GNAO1: variants seen among roughly 807,000 people sequenced by gnomAD.
The protein encoded by GNAO1 is G protein subunit alpha o1, also known as guanine nucleotide-binding protein G(o) subunit alpha.
For synonymous variants in GNAO1, 164 were observed against 180.7 expected, an observed-to-expected ratio of 0.91 and a Z score of 0.74; for missense variants, 166 against 478.7, an observed-to-expected ratio of 0.35 and a Z score of 6.10.
chr16:56,277,359 G>A (rs2037069548), intron 3 of GNAO1, among the ~76,000 whole-genome samples: 1 of 152,174 alleles, frequency 6.6e-6, no homozygotes, highest in Admixed American at 6.5e-5. Flanking sequence ...GGGAATGGGG[G>A]AGTGGATGGG....
intron 2 of GNAO1, among the ~76,000 whole-genome samples, chr16:56,228,119 C>T (rs1298903327): frequency 6.6e-6 from 1 of 152,156 alleles, no homozygotes; most frequent in Non-Finnish European, 1.5e-5. Flanking sequence ...AGCATGATGC[C>T]AGGGCTGGTG....
intron 4 of GNAO1, among the ~76,000 whole-genome samples, chr16:56,332,319 C>A (rs1487511255): frequency 6.6e-6 from 1 of 152,196 alleles, no homozygotes; most frequent in Non-Finnish European, 1.5e-5. Context: ...GGCCCCTCCA[C>A]GTGTGCTTCC....
intron 3 of GNAO1, among the ~76,000 whole-genome samples, chr16:56,317,607 A>C (rs570467139): frequency 9.1e-4 from 138 of 152,100 alleles, no homozygotes; most frequent in Non-Finnish European, 1.4e-3. Flanking sequence ...AAGGGATGTG[A>C]GTGGATGGAT....
chr16:56,269,673 C>G (rs1182820029), intron 2 of GNAO1, among the ~76,000 whole-genome samples: 1 of 152,116 alleles, frequency 6.6e-6, no homozygotes, highest in African/African-American at 2.4e-5. Context: ...AGTCCAGTCC[C>G]AGGGCAGGAG....
intron 6 of GNAO1, among the ~76,000 whole-genome samples, chr16:56,342,775 C>A (rs541115611): frequency 6.6e-6 from 1 of 152,356 alleles, no homozygotes; most frequent in East Asian, 1.9e-4. Context: ...TGCCCTCAAA[C>A]TTCCTTGCTC....
At chr16:56,255,123 C>T (rs566875317) in intron 2 of GNAO1, among the ~76,000 whole-genome samples, 2 of 152,220 alleles carry the variant, frequency 1.3e-5, no homozygotes, top group African/African-American at 4.8e-5. Flanking sequence ...GTGGAATTTC[C>T]CTTGTAGTAT....
intron 4 of GNAO1, among the ~76,000 whole-genome samples, chr16:56,333,722 C>A: frequency 6.6e-6 from 1 of 152,258 alleles, no homozygotes. Flanking sequence ...GTGGTAACTG[C>A]AGGTCCAGCC....
chr16:56,291,709 C>T (rs537679662), intron 3 of GNAO1, among the ~76,000 whole-genome samples: 2 of 152,166 alleles, frequency 1.3e-5, no homozygotes, highest in South Asian at 2.1e-4. Flanking sequence ...AATTTAGAAA[C>T]AACAGAAATG....
intron 3 of GNAO1, among the ~76,000 whole-genome samples, chr16:56,318,417 C>A (rs1004542031): frequency 5.9e-5 from 9 of 152,236 alleles, no homozygotes; most frequent in African/African-American, 9.6e-5. Flanking sequence ...CCGCCGGGCC[C>A]GGCCCTGCAA....
intron 2 of GNAO1, among the ~76,000 whole-genome samples, chr16:56,200,139 C>A (rs534715141): frequency 9.2e-5 from 14 of 152,196 alleles, no homozygotes; most frequent in Admixed American, 7.8e-4. Flanking sequence ...GTCACCTGAC[C>A]CCAGGGTCTC....
At chr16:56,317,292 G>A (rs1307252411) in intron 3 of GNAO1, among the ~76,000 whole-genome samples, 2 of 152,202 alleles carry the variant, frequency 1.3e-5, no homozygotes, top group African/African-American at 4.8e-5. Context: ...GACACAGAAG[G>A]GACCATGGGA....
intron 3 of GNAO1, among the ~76,000 whole-genome samples, chr16:56,328,149 G>A (rs1420241720): frequency 4.6e-5 from 7 of 152,130 alleles, no homozygotes; most frequent in Non-Finnish European, 1.0e-4. Context: ...CCAGTTCTAG[G>A]GACTGCATTC....
At chr16:56,241,039 A>T (rs1482319686) in intron 2 of GNAO1, among the ~76,000 whole-genome samples, 3 of 152,202 alleles carry the variant, frequency 2.0e-5, no homozygotes, top group African/African-American at 7.2e-5. Flanking sequence ...CTCTGTGTAC[A>T]TGGTGGCCCA....
intron 6 of GNAO1, chr16:56,346,323 G>C: frequency 4.1e-6 from 4 of 985,410 alleles, no homozygotes; most frequent in Non-Finnish European, 4.8e-6. Context: ...CGAGTGACAC[G>C]TGTGGGTTTC....
intron 3 of GNAO1, among the ~76,000 whole-genome samples, chr16:56,323,014 T>C (rs1157043416): frequency 1.3e-5 from 2 of 152,026 alleles, no homozygotes; most frequent in Non-Finnish European, 2.9e-5. Flanking sequence ...AGCTGTACCA[T>C]GGTGTTGCTG....
At chr16:56,316,998 C>G (rs570010533) in intron 3 of GNAO1, among the ~76,000 whole-genome samples, 3 of 152,212 alleles carry the variant, frequency 2.0e-5, no homozygotes, top group African/African-American at 7.2e-5. Context: ...CTTCCCACCC[C>G]CTGGCCCCTG....
At chr16:56,235,346 A>G (rs1270195383) in intron 2 of GNAO1, 2 of 456,090 alleles carry the variant, frequency 4.4e-6, no homozygotes, top group South Asian at 1.5e-5. Context: ...CAGCCCATCA[A>G]CAGATGAAGA....
Position 56,354,861 on chromosome 16 carries a change from T to TA in GNAO1, c.878-4dup. ...CTCTCCCCGTTCTTCTGTGTCTTGT[T>TA]ACAGGCCCCAATACCTATGAAGACG... On this transcript the variant is annotated splice_region_variant and splice_polypyrimidine_tract_variant and intron_variant, in intron 7 of 8. Transcript: ENST00000262493. The surrounding 1 kb of genome is among the most constrained non-coding windows in gnomAD (Gnocchi z 4.3). 6.2e-7 allele frequency: 1 copy of TA among 1,604,788 alleles called. No homozygotes were observed. The highest frequency in any genetic ancestry group is 1.1e-5 in the South Asian group (1 of 90,820).
At chr16:56,348,073 T>G in intron 6 of GNAO1, 1 of 976,146 alleles carries the variant, frequency 1.0e-6, no homozygotes, top group Non-Finnish European at 1.2e-6. Flanking sequence ...CCACCCCATA[T>G]TAACTGTAAT....
Sources: allele counts gnomAD v4.1 joint callset (sites outside exome capture counted in the v4.1 genomes callset), GRCh38; gene constraint gnomAD v4.1.1; non-coding constraint Gnocchi (gnomAD v3.1); transcripts MANE v1.5; gene names NCBI Gene and HGNC (gene_info 2026-07-23, HGNC 2026-07-21).